The following GALK1 variants were observed in gnomAD, a reference collection of about 807,000 sequenced individuals.
The protein encoded by GALK1 is galactokinase.
A neutral mutation model predicts 38.6 loss-of-function variants in GALK1; 30 were observed. The ratio of observed to expected loss-of-function variants is 0.78; its 90% confidence interval spans 0.58 to 1.05. GALK1 has a LOEUF of 1.05. Ranked by LOEUF, GALK1 falls within the 50% of genes least tolerant of loss-of-function variation. GALK1 has a pLI of 0.00. For synonymous variants in GALK1, 240 were observed against 233.6 expected (o/e 1.03, Z -0.25); for missense variants, 512 against 540.5 (o/e 0.95, Z 0.52).
At chr17:75,755,121 G>T (rs1459879654), downstream of GALK1, 2 of 1,610,138 alleles carry the variant, frequency 1.2e-6, no homozygotes, top group Admixed American at 3.4e-5. Flanking sequence ...GGGTCCCGGA[G>T]TCGGGCTCAG....
At chr17:75,752,136 G>A (rs1458122578) in intron 8 of GALK1, 3 of 1,606,866 alleles carry the variant, frequency 1.9e-6, no homozygotes, top group South Asian at 2.2e-5. Context: ...ACCAGGCTGG[G>A]ACCTGGGTGA....
chr17:75,763,511 G>A, intron 2 of GALK1, 72 bp from the exon 3 acceptor site: 1 of 1,496,934 alleles, frequency 6.7e-7, no homozygotes, highest in Non-Finnish European at 9.1e-7. Context: ...CAGGTGTCCT[G>A]GCGGGAAGGG....
chr17:75,752,419 G>GCCCTGGCTCACTC (rs1366740786), intron 8 of GALK1: 20 of 1,612,912 alleles, frequency 1.2e-5, no homozygotes, highest in Non-Finnish European at 1.6e-5. Flanking sequence ...AGCAGCCAGG[G>GCCCTGGCTCACTC]CCCTGGCTCA....
rs759619518 is a variant in GALK1, at chr17:75,752,619, T to G, written c.*23-882A>C. On this transcript the variant is annotated intron_variant, in intron 8 of 8. Coordinates refer to the GALK1 transcript ENST00000225614. Reference sequence around the variant, plus strand: ...GACCCACAAGAGGACAGTGGGGGTCTTGGGTACAGAGTGAGTCCACTGGGT... The same window carrying G: ...GACCCACAAGAGGACAGTGGGGGTCGTGGGTACAGAGTGAGTCCACTGGGT... 7.4e-6 allele frequency: 12 copies of G among 1,611,656 alleles called. No individual in the cohort carries two copies. The Admixed American group carries it at 1.5e-4, about 20-fold the overall frequency.
downstream of GALK1, chr17:75,756,517 C>T (rs530315339): frequency 6.1e-5 from 98 of 1,613,226 alleles, no homozygotes; most frequent in South Asian, 2.1e-4. Flanking sequence ...ACGTGTTCCG[C>T]GTGCGGGCCC....
chr17:75,757,969 CCGG>C lies in GALK1; in HGVS notation c.*84_*86del. On this transcript the variant is annotated 3_prime_UTR_variant, in exon 8 of 8. Coordinates refer to ENST00000588479, the MANE Select transcript of GALK1 (RefSeq NM_000154.2). ...TTGGAGGCACAAGTTTATTGAGCACCCGGATATGGAAGATGGCACCGGGCACAG... is the reference window on the plus strand; with the variant it reads ...TTGGAGGCACAAGTTTATTGAGCACCATATGGAAGATGGCACCGGGCACAG... 1 of 1,461,526 alleles carries C rather than the reference CCGG, an allele frequency of 6.8e-7. No homozygotes were observed. 90.5% of individuals were successfully genotyped at this position (1,461,526 alleles called of 1,614,324 possible).
downstream of GALK1, chr17:75,754,673 C>G: frequency 1.9e-6 from 3 of 1,614,128 alleles, no homozygotes; most frequent in Non-Finnish European, 2.5e-6. Context: ...ATGGCACCCA[C>G]CTGAGCCCAC....
chr17:75,753,725 C>G (rs2061421030), downstream of GALK1: 1 of 1,322,040 alleles, frequency 7.6e-7, no homozygotes, highest in South Asian at 2.0e-5. Context: ...CGGCCCGGCG[C>G]CCCCCGGCGG....
At chr17:75,753,973 A>C, downstream of GALK1, 2 of 1,251,628 alleles carry the variant, frequency 1.6e-6, no homozygotes, top group East Asian at 3.2e-5. Flanking sequence ...GGCCCCCCGG[A>C]GGTGACAGGC....
At chr17:75,751,989 G>A (rs991085176) in intron 8 of GALK1, 1 of 743,222 alleles carries the variant, frequency 1.3e-6, no homozygotes, top group Non-Finnish European at 2.4e-6. Flanking sequence ...GGTGACATAT[G>A]TCCACGCCAG....
At chr17:75,764,215 G>A (rs1258937399) in intron 1 of GALK1, 129 bp from the exon 2 acceptor site, 3 of 939,020 alleles carry the variant, frequency 3.2e-6, no homozygotes, top group Non-Finnish European at 5.1e-6. Flanking sequence ...GTTCAGCGTC[G>A]CAGGGAAGAT....
intron 1 of GALK1, chr17:75,764,362 A>T: frequency 2.9e-6 from 2 of 699,862 alleles, no homozygotes; most frequent in Non-Finnish European, 5.3e-6. Flanking sequence ...CAAAGGGAAA[A>T]CAGATCACTG....
downstream of GALK1, among the ~76,000 whole-genome samples, chr17:75,753,325 A>C (rs2061411068): frequency 6.6e-6 from 1 of 152,164 alleles, no homozygotes; most frequent in Non-Finnish European, 1.5e-5. Flanking sequence ...ACCCCAGCTC[A>C]GCTGCTTCTA....
rs780587160 is a variant in GALK1 at position 75,763,354 on chromosome 17, C to T, written c.441G>A (p.Val147=). 1 of 1,613,932 alleles carries T rather than the reference C, an allele frequency of 6.2e-7. No individual in the cohort carries two copies. The highest frequency in any genetic ancestry group is 2.2e-5 in the East Asian group (1 of 44,878). Residue 147 remains valine, a synonymous_variant, in exon 3 of 8, where the codon GTG becomes GTA. Coordinates refer to ENST00000588479, the MANE Select transcript of GALK1 (RefSeq NM_000154.2). Reference sequence around the variant, plus strand: ...GCTGCTGGAGGAAGGTGTACGTGGCCACTTCCAAGGATGCTGAGCTGGACA... The same window carrying T: ...GCTGCTGGAGGAAGGTGTACGTGGCTACTTCCAAGGATGCTGAGCTGGACA... ...GGLSSSASLE[V]ATYTFLQQLC...
chr17:75,752,078 C>T, intron 8 of GALK1: 8 of 1,343,462 alleles, frequency 6.0e-6, no homozygotes, highest in Non-Finnish European at 8.6e-6. Context: ...CCCTGGGTGC[C>T]ATCCAGGGGA....
At position 75,763,962 on chromosome 17, in the gene GALK1, C is replaced by G. The variant is rs767520545; in HGVS notation, c.290G>C (p.Arg97Pro). 1 of 1,613,212 alleles carries G rather than the reference C, an allele frequency of 6.2e-7. No homozygotes were observed. Among genetic ancestry groups the G allele is most frequent in the East Asian group, 2.2e-5 (1 of 44,896 alleles). ...CCGAGGAGTCCCAGGCTCCAGCGAGCGCTGGGCTGTGGGCAGTGGAAACTG... is the reference window on the plus strand; with the variant it reads ...CCGAGGAGTCCCAGGCTCCAGCGAGGGCTGGGCTGTGGGCAGTGGAAACTG... Reference protein sequence around the residue: ...RLQFPLPTAQRSLEPGTPRWA... With the variant: ...RLQFPLPTAQPSLEPGTPRWA... The change falls in exon 2 of 8, where the codon CGC becomes CCC. Residue 97 changes from arginine to proline, a missense_variant. Coordinates refer to ENST00000588479, the MANE Select transcript of GALK1 (RefSeq NM_000154.2).
At chr17:75,755,766 A>G (rs1220238012), downstream of GALK1, 1 of 1,612,700 alleles carries the variant, frequency 6.2e-7, no homozygotes, top group Admixed American at 1.7e-5. Flanking sequence ...CCTGGGGCCC[A>G]CATCTCTCAG....
At chr17:75,755,035 CTTGTT>C (rs754712122), downstream of GALK1, 100 of 1,588,920 alleles carry the variant, frequency 6.3e-5, no homozygotes, top group Non-Finnish European at 8.1e-5. Flanking sequence ...TCCTCTCACT[CTTGTT>C]TTGTCCTGCC....
chr17:75,758,220 CG>C lies in GALK1; in HGVS notation c.1096del (p.Arg366GlyfsTer72). The C allele has an allele frequency of 1.2e-6, 2 of 1,606,010 alleles. No homozygotes were observed. Among genetic ancestry groups the C allele is most frequent in the Non-Finnish European group, 1.7e-6 (2 of 1,177,214 alleles). ...CTGGTGCCCGCCCACCTGGATGTGC[CG>C]CATGGCGTGGGGAGCAGCGGAGGCC... ...LEASAAPHAM[R>X]HIQEHYGGTA... On this transcript the variant is annotated frameshift_variant, in exon 7 of 8. Transcript: ENST00000588479. LOFTEE classifies it high-confidence loss of function.
Sources: allele counts gnomAD v4.1 joint callset (sites outside exome capture counted in the v4.1 genomes callset), GRCh38; gene constraint gnomAD v4.1.1; transcripts MANE v1.5; gene names NCBI Gene and HGNC (gene_info 2026-07-23, HGNC 2026-07-21).